SH3D19: variants seen among roughly 807,000 people sequenced by gnomAD.
The protein encoded by SH3D19 is SH3 domain-containing protein 19.
SH3D19 carries 58 observed loss-of-function variants against 112.1 expected under a neutral mutation model. The observed-to-expected ratio is 0.52, with a 90% CI of 0.42 to 0.64. The LOEUF (loss-of-function observed/expected upper bound fraction) is 0.64. SH3D19 is among the 30% of genes least tolerant of loss of function. The pLI, the probability that SH3D19 is intolerant of heterozygous loss-of-function variation, is 0.00. For synonymous variants in SH3D19, 391 were observed against 448.5 expected (o/e 0.87, Z 1.62); for missense variants, 1,090 against 1,263.4 (o/e 0.86, Z 2.08).
intron 1 of SH3D19, among the ~76,000 whole-genome samples, chr4:151,309,438 C>T (rs2126362777): frequency 6.6e-6 from 1 of 152,224 alleles, no homozygotes; most frequent in Middle Eastern, 3.4e-3. Flanking sequence ...AAAGGAAACC[C>T]ATGGAACAGG....
chr4:151,148,204 A>G lies in SH3D19; in HGVS notation c.1818-18T>C. On this transcript the variant is annotated intron_variant, in intron 10 of 19. Transcript: ENST00000604030. ...TCACAGGTCTGAAAGTCAATGTAGTAGCCATGAGTCAGTGTTTTGATCAGT... is the reference window on the plus strand; with the variant it reads ...TCACAGGTCTGAAAGTCAATGTAGTGGCCATGAGTCAGTGTTTTGATCAGT... The G allele has an allele frequency of 4.4e-6, 7 of 1,577,602 alleles. No homozygotes were observed. Among genetic ancestry groups the G allele is most frequent in the Non-Finnish European group, 6.0e-6 (7 of 1,165,826 alleles).
At chr4:151,288,149 CA>C (rs1192716134) in intron 1 of SH3D19, among the ~76,000 whole-genome samples, 1 of 151,478 alleles carries the variant, frequency 6.6e-6, no homozygotes, top group Non-Finnish European at 1.5e-5. Flanking sequence ...AGTGCAACTA[CA>C]AAAAAACCCA....
chr4:151,138,005 T>TAA (rs1752201780), intron 13 of SH3D19, 143 bp from the exon 14 acceptor site: 1 of 564,998 alleles, frequency 1.8e-6, no homozygotes, highest in Admixed American at 4.2e-5. Flanking sequence ...CAAATTGACT[T>TAA]AAAAAATGCT....
intron 3 of SH3D19, among the ~76,000 whole-genome samples, chr4:151,183,575 C>A (rs1761282719): frequency 6.6e-6 from 1 of 151,882 alleles, no homozygotes; most frequent in East Asian, 1.9e-4. Flanking sequence ...CTGTGTGGAG[C>A]CAGGAGAGTG....
intron 2 of SH3D19, among the ~76,000 whole-genome samples, chr4:151,192,672 A>G (rs994128054): frequency 1.3e-5 from 2 of 152,232 alleles, no homozygotes; most frequent in African/African-American, 4.8e-5. Context: ...AGCCAAAGCA[A>G]TAACAAAACC....
intron 1 of SH3D19, among the ~76,000 whole-genome samples, chr4:151,255,424 G>A (rs1055224033): frequency 5.9e-5 from 9 of 151,334 alleles, no homozygotes; most frequent in Non-Finnish European, 1.2e-4. Context: ...ACATCTCAGA[G>A]GATGGGCGGC....
chr4:151,215,847 AC>A (rs1403074097), intron 2 of SH3D19, among the ~76,000 whole-genome samples: 1 of 148,546 alleles, frequency 6.7e-6, no homozygotes, highest in African/African-American at 2.5e-5. Flanking sequence ...TTTTTTTTTG[AC>A]GGAGTCTTGC....
At chr4:151,160,861 T>C (rs1757033077) in intron 8 of SH3D19, among the ~76,000 whole-genome samples, 1 of 152,096 alleles carries the variant, frequency 6.6e-6, no homozygotes, top group Admixed American at 6.6e-5. Context: ...CAAACATTCT[T>C]AGTGAGAGGC....
At chr4:151,298,456 G>A (rs563019523) in intron 1 of SH3D19, among the ~76,000 whole-genome samples, 9 of 129,336 alleles carry the variant, frequency 7.0e-5, no homozygotes, top group African/African-American at 1.5e-4. Flanking sequence ...AATTACAGGC[G>A]TGAGCCACCG....
At chr4:151,136,658 G>A (rs1416766161) in intron 14 of SH3D19, among the ~76,000 whole-genome samples, 2 of 152,196 alleles carry the variant, frequency 1.3e-5, no homozygotes, top group African/African-American at 4.8e-5. Context: ...TACCAATAAT[G>A]TGGCAGATTC....
At chr4:151,139,306 C>T (rs897098961) in intron 13 of SH3D19, among the ~76,000 whole-genome samples, 4 of 152,010 alleles carry the variant, frequency 2.6e-5, no homozygotes, top group Admixed American at 2.6e-4. Context: ...GCGCCCGCCA[C>T]TACGCCCGGC....
intron 9 of SH3D19, among the ~76,000 whole-genome samples, chr4:151,156,945 A>G (rs1236292875): frequency 6.6e-6 from 1 of 152,240 alleles, no homozygotes; most frequent in South Asian, 2.1e-4. Flanking sequence ...AATACAAAAG[A>G]AACTCAAACA....
chr4:151,132,141 T>C (rs1437465372), intron 17 of SH3D19, among the ~76,000 whole-genome samples, 190 bp downstream of exon 17: 2 of 152,220 alleles, frequency 1.3e-5, no homozygotes, highest in African/African-American at 4.8e-5. Context: ...TCATTTTCTA[T>C]CAGGGTTTAC....
chr4:151,178,476 T>C (rs553979235), intron 4 of SH3D19, among the ~76,000 whole-genome samples: 1 of 152,366 alleles, frequency 6.6e-6, no homozygotes, highest in Non-Finnish European at 1.5e-5. Flanking sequence ...CTAAGAACCT[T>C]TGCTTATAGC....
In SH3D19 at chr4:151,120,844, T is replaced by C. The variant is rs866212496; in HGVS notation, c.*1247A>G. Reference sequence around the variant, plus strand: ...AACAGAAGAAAGTCATGACCATTGTTGGGAAAGTGTTTTACATTTCCAATG... The same window carrying C: ...AACAGAAGAAAGTCATGACCATTGTCGGGAAAGTGTTTTACATTTCCAATG... On this transcript the variant is annotated 3_prime_UTR_variant, in exon 20 of 20. Transcript: ENST00000604030. 5.2e-5 allele frequency: 8 copies of C among 152,794 alleles called. No homozygotes were observed. In the South Asian group the frequency reaches 1.7e-3, roughly 32 times the overall value. 9.5% of individuals were successfully genotyped at this position (152,794 alleles called of 1,614,324 possible). A position where few individuals can be genotyped will look rare whatever the true frequency, so the allele number is the denominator to read the frequency against.
chr4:151,206,660 T>G (rs1157084191), intron 2 of SH3D19, among the ~76,000 whole-genome samples: 2 of 152,216 alleles, frequency 1.3e-5, no homozygotes, highest in Admixed American at 1.3e-4. Context: ...TTTCCTCTAA[T>G]GGTATTGCAT....
intron 3 of SH3D19, among the ~76,000 whole-genome samples, chr4:151,181,262 A>C (rs1267798307): frequency 6.6e-6 from 1 of 152,156 alleles, no homozygotes; most frequent in African/African-American, 2.4e-5. Flanking sequence ...GGAAGCATAG[A>C]TCTTTCCCCC....
intron 9 of SH3D19, among the ~76,000 whole-genome samples, 159 bp downstream of exon 9, chr4:151,159,081 C>T (rs894466756): frequency 1.3e-5 from 2 of 152,100 alleles, no homozygotes; most frequent in Non-Finnish European, 2.9e-5. Context: ...ATATTGAACA[C>T]TATATTATAT....
At chr4:151,147,482 G>C (rs1483279804) in intron 11 of SH3D19, among the ~76,000 whole-genome samples, 4 of 152,132 alleles carry the variant, frequency 2.6e-5, no homozygotes, top group African/African-American at 4.8e-5. Flanking sequence ...TGTTTGCTTT[G>C]AGACAGTCTT....
Sources: gnomAD v4.1 joint callset for allele counts (sites outside exome capture counted in the v4.1 genomes callset) on GRCh38, gnomAD v4.1.1 for gene constraint, MANE v1.5 for transcripts, NCBI Gene and HGNC (gene_info 2026-07-23, HGNC 2026-07-21) for gene names.